Variants in RBFOX3 observed in about 807,000 individuals in gnomAD.
The protein encoded by RBFOX3 is RNA binding fox-1 homolog 3, also known as RNA binding protein fox-1 homolog 3.
In RBFOX3, 17 loss-of-function variants were observed where a neutral mutation model predicts 48.7. The observed-to-expected ratio is 0.35, with a 90% CI of 0.24 to 0.52. The LOEUF is 0.52. RBFOX3 is among the 20% of genes least tolerant of loss of function. The pLI is 0.94. For synonymous variants in RBFOX3, 212 were observed against 209.5 expected, an observed-to-expected ratio of 1.01 and a Z score of -0.10; for missense variants, 382 against 497.5, an observed-to-expected ratio of 0.77 and a Z score of 2.21.
At chr17:79,665,340 A>C in the RBFOX3 span, among the ~76,000 whole-genome samples, 2 of 150,628 alleles carry the variant, frequency 1.3e-5, no homozygotes, top group Non-Finnish European at 3.0e-5. Flanking sequence ...TTTCACCGAG[A>C]TGGGGCCAGA....
chr17:79,422,203 G>A (rs1033744092), intron 2 of RBFOX3, among the ~76,000 whole-genome samples: 1 of 152,052 alleles, frequency 6.6e-6, no homozygotes, highest in Admixed American at 6.5e-5. Flanking sequence ...AACAGGGGGA[G>A]CCATGTGCAG....
chr17:79,296,964 C>T (rs1048837312), intron 3 of RBFOX3, among the ~76,000 whole-genome samples: 4 of 140,762 alleles, frequency 2.8e-5, no homozygotes, highest in African/African-American at 1.1e-4. Context: ...CTCATCCTCT[C>T]CTCCTCCCTC....
At chr17:79,192,827 C>A (rs2054795213) in intron 4 of RBFOX3, among the ~76,000 whole-genome samples, 1 of 152,206 alleles carries the variant, frequency 6.6e-6, no homozygotes, top group African/African-American at 2.4e-5. Context: ...CACCTTTTAC[C>A]AAAACATCCT....
At chr17:79,583,383 G>A (rs2093141106) in intron 1 of RBFOX3, among the ~76,000 whole-genome samples, 2 of 152,236 alleles carry the variant, frequency 1.3e-5, no homozygotes, top group South Asian at 4.1e-4. Flanking sequence ...TCAGGTCGAA[G>A]GGCCCCTGAC....
intron 1 of RBFOX3, among the ~76,000 whole-genome samples, chr17:79,507,516 C>T (rs1487231064): frequency 7.2e-5 from 11 of 152,150 alleles, no homozygotes; most frequent in South Asian, 6.2e-4. Flanking sequence ...AGGGTGGAGA[C>T]GGGGAAGGGT....
chr17:79,568,751 T>TA (rs1452481491), intron 1 of RBFOX3, among the ~76,000 whole-genome samples: 3 of 152,124 alleles, frequency 2.0e-5, no homozygotes, highest in African/African-American at 7.2e-5. Context: ...CGCCCCCATT[T>TA]AAAAAATCCT....
At position 79,418,561 on chromosome 17, in the gene RBFOX3, G is replaced by A. The variant is rs1463201673; in HGVS notation, c.-175+63893C>T. ...CCCAGACATGTGAAGGTGGTCAGTC[G>A]TGGGGCCAAGTCTCAGGGCAGCATC... is the stretch of plus-strand genomic sequence containing the variant. On this transcript the variant is annotated intron_variant, in intron 2 of 14. Transcript: ENST00000693108. The surrounding 1 kb of genome is among the most constrained non-coding windows in gnomAD (Gnocchi z 5.0). Among the ~76,000 whole-genome samples the A allele has an allele frequency of 1.3e-5, 2 of 152,226 alleles. No homozygotes were observed. Among genetic ancestry groups the A allele is most frequent in the African/African-American group, 4.8e-5 (2 of 41,456 alleles).
chr17:79,620,536 TGCACACACGCATGCACACATGTGC>T, the RBFOX3 span, among the ~76,000 whole-genome samples: 1 of 138,696 alleles, frequency 7.2e-6, no homozygotes, highest in Non-Finnish European at 1.5e-5. Flanking sequence ...TACGCGCACA[TGCACACACGCATGCACACATGTGC>T]ACACCCGCGC....
intron 2 of RBFOX3, among the ~76,000 whole-genome samples, chr17:79,332,043 C>T (rs1018303302): frequency 5.9e-5 from 9 of 152,192 alleles, no homozygotes; most frequent in Non-Finnish European, 1.3e-4. Flanking sequence ...CTCCTTGGGG[C>T]TCCAGGAGCA....
chr17:79,563,562 CTT>C (rs2092338300), intron 1 of RBFOX3, among the ~76,000 whole-genome samples: 1 of 152,338 alleles, frequency 6.6e-6, no homozygotes, highest in South Asian at 2.1e-4. Flanking sequence ...TTTTTTAAGT[CTT>C]TGCTAACAAT....
At chr17:79,094,385 G>T in intron 14 of RBFOX3, 66 bp downstream of exon 14, 2 of 1,223,130 alleles carry the variant, frequency 1.6e-6, no homozygotes, top group Non-Finnish European at 2.2e-6. Flanking sequence ...CTCCCCCAAG[G>T]GCCTCACCAC....
intron 4 of RBFOX3, among the ~76,000 whole-genome samples, chr17:79,219,889 CCCCTGCCGGGTATTACTGGAGGCTGGG>C (rs1210084790): frequency 6.6e-6 from 1 of 151,912 alleles, no homozygotes; most frequent in Non-Finnish European, 1.5e-5. Context: ...GCTAGTGTAT[CCCCTGCCGGGTATTACTGGAGGCTGGG>C]CCCAGCCCCC....
chr17:79,366,385 T>C (rs1193269280), intron 2 of RBFOX3, among the ~76,000 whole-genome samples: 1 of 152,236 alleles, frequency 6.6e-6, no homozygotes, highest in Non-Finnish European at 1.5e-5. Flanking sequence ...TCTTTTTCTT[T>C]AAAGTGTTTA....
chr17:79,355,874 C>T (rs532441421), intron 2 of RBFOX3, among the ~76,000 whole-genome samples: 1 of 152,326 alleles, frequency 6.6e-6, no homozygotes, highest in Admixed American at 6.5e-5. Flanking sequence ...AACCACCGTG[C>T]CTGGCCGAAC....
At chr17:79,266,248 C>A (rs1433174155) in intron 3 of RBFOX3, among the ~76,000 whole-genome samples, 1 of 152,116 alleles carries the variant, frequency 6.6e-6, no homozygotes, top group African/African-American at 2.4e-5. Context: ...GATGTGGGAG[C>A]CTGGACTTCT....
In RBFOX3 at chr17:79,356,351, T is replaced by G. The variant is rs1162589058; in HGVS notation, c.-174-48527A>C. Among the ~76,000 whole-genome samples, 3 of 22,466 alleles carry G rather than the reference T, an allele frequency of 1.3e-4. 1 individual carries two copies. Among genetic ancestry groups the G allele is most frequent in the African/African-American group, 8.4e-4 (3 of 3,590 alleles). 14.7% of individuals were successfully genotyped at this position (22,466 alleles called of 152,430 possible). A position where few individuals can be genotyped will look rare whatever the true frequency, so the allele number is the denominator to read the frequency against. ...TTTTCACTTTTAAAACAGGGAAGTT[T>G]TTTTTTTTTTTTTTTTTTTTTTTTT... On this transcript the variant is annotated intron_variant, in intron 2 of 14. Coordinates refer to ENST00000693108, the MANE Select transcript of RBFOX3 (RefSeq NM_001350451.2).
At chr17:79,548,257 G>T (rs2090730275) in intron 1 of RBFOX3, among the ~76,000 whole-genome samples, 1 of 152,300 alleles carries the variant, frequency 6.6e-6, no homozygotes, top group Non-Finnish European at 1.5e-5. Context: ...GCTCACAGCA[G>T]AGTTTCAGAG....
intron 4 of RBFOX3, among the ~76,000 whole-genome samples, chr17:79,154,354 T>C (rs2045287509): frequency 6.6e-6 from 1 of 152,210 alleles, no homozygotes; most frequent in African/African-American, 2.4e-5. Context: ...GTTAGCCCTC[T>C]GTCTCGGGGA....
intron 3 of RBFOX3, among the ~76,000 whole-genome samples, chr17:79,281,599 T>A (rs1012719524): frequency 6.6e-6 from 1 of 152,182 alleles, no homozygotes; most frequent in Admixed American, 6.5e-5. Flanking sequence ...TTGGCTCAGG[T>A]TGGCTCTCCT....
Sources: gnomAD v4.1 joint callset for allele counts (sites outside exome capture counted in the v4.1 genomes callset) on GRCh38, gnomAD v4.1.1 for gene constraint, Gnocchi (gnomAD v3.1) non-coding constraint, MANE v1.5 for transcripts, NCBI Gene and HGNC (gene_info 2026-07-23, HGNC 2026-07-21) for gene names.